Variants in DLG2 observed in about 807,000 individuals in gnomAD.
DLG2 encodes the protein discs large MAGUK scaffold protein 2.
A neutral mutation model predicts 132.5 loss-of-function variants in DLG2; 45 were observed. That is an observed-to-expected ratio of 0.34 (90% CI 0.27 to 0.44). The LOEUF (loss-of-function observed/expected upper bound fraction) is 0.44, where lower values mean the gene tolerates loss of function less well. DLG2 is among the 20% of genes least tolerant of loss of function. The pLI, the probability that DLG2 is intolerant of heterozygous loss-of-function variation, is 1.00. For synonymous variants in DLG2, 424 were observed against 419.6 expected, an observed-to-expected ratio of 1.01 and a Z score of -0.13; for missense variants, 1,045 against 1,196.9, an observed-to-expected ratio of 0.87 and a Z score of 1.87.
chr11:83,953,877 G>C (rs992063807), intron 14 of DLG2, among the ~76,000 whole-genome samples: 2 of 152,070 alleles, frequency 1.3e-5, no homozygotes, highest in Admixed American at 6.5e-5. Flanking sequence ...CTTCTACAGC[G>C]GTCCCTCCAA....
At chr11:85,192,319 C>T (rs191281133) in intron 4 of DLG2, among the ~76,000 whole-genome samples, 56 of 152,320 alleles carry the variant, frequency 3.7e-4, no homozygotes, top group African/African-American at 1.3e-3. Context: ...ATTATCATTA[C>T]AATCTTGTAT....
intron 11 of DLG2, among the ~76,000 whole-genome samples, chr11:84,028,997 A>T (rs546791514): frequency 7.2e-5 from 11 of 152,274 alleles, no homozygotes; most frequent in African/African-American, 2.2e-4. Context: ...GATTAAATGA[A>T]TGAATGAACA....
intron 6 of DLG2, among the ~76,000 whole-genome samples, chr11:84,616,122 T>A (rs2099604026): frequency 6.6e-6 from 1 of 152,012 alleles, no homozygotes; most frequent in Non-Finnish European, 1.5e-5. Context: ...AGAAGGCTAA[T>A]CTAAGAAGGT....
chr11:85,596,511 G>A (rs1236043887), intron 3 of DLG2, among the ~76,000 whole-genome samples: 1 of 152,166 alleles, frequency 6.6e-6, no homozygotes, highest in East Asian at 1.9e-4. Flanking sequence ...TTATCCATTT[G>A]TGTTTTCTAC....
intron 4 of DLG2, among the ~76,000 whole-genome samples, chr11:85,258,841 G>A (rs1032102579): frequency 1.3e-5 from 2 of 152,190 alleles, no homozygotes; most frequent in African/African-American, 4.8e-5. Context: ...CTGGATATTG[G>A]AGATGGAACT....
At chr11:84,731,776 G>T (rs117941605) in intron 6 of DLG2, among the ~76,000 whole-genome samples, 1 of 151,966 alleles carries the variant, frequency 6.6e-6, no homozygotes, top group Non-Finnish European at 1.5e-5. Flanking sequence ...ATTTATTGGC[G>T]TAGAACTGAC....
At chr11:83,779,056 T>C (rs897148138) in intron 18 of DLG2, among the ~76,000 whole-genome samples, 15 of 152,142 alleles carry the variant, frequency 9.9e-5, no homozygotes, top group African/African-American at 2.9e-4. Context: ...TAAAGTTTTA[T>C]TTAAGTTTCT....
intron 4 of DLG2, among the ~76,000 whole-genome samples, chr11:85,235,567 G>T (rs2075541319): frequency 6.6e-6 from 1 of 151,904 alleles, no homozygotes; most frequent in South Asian, 2.1e-4. Flanking sequence ...TTTAACAAGG[G>T]AGTTGGGGGA....
At chr11:84,820,404 G>C (rs1474450799) in intron 6 of DLG2, among the ~76,000 whole-genome samples, 1 of 151,810 alleles carries the variant, frequency 6.6e-6, no homozygotes, top group Non-Finnish European at 1.5e-5. Context: ...TGCTGCTGGA[G>C]TGCTTTTGAA....
intron 7 of DLG2, among the ~76,000 whole-genome samples, chr11:84,305,321 T>C (rs955728184): frequency 2.6e-5 from 4 of 152,196 alleles, no homozygotes; most frequent in Admixed American, 6.5e-5. Flanking sequence ...AAAGACCAGA[T>C]ACCATATTTT....
intron 14 of DLG2, among the ~76,000 whole-genome samples, chr11:83,957,646 C>T (rs981466367): frequency 9.9e-5 from 15 of 151,644 alleles, no homozygotes; most frequent in African/African-American, 3.6e-4. Context: ...ATTAGACCTA[C>T]ACTTTCTCAT....
chr11:84,898,624 T>A (rs970540830), intron 6 of DLG2, among the ~76,000 whole-genome samples: 1 of 151,994 alleles, frequency 6.6e-6, no homozygotes, highest in African/African-American at 2.4e-5. Flanking sequence ...CAATTTCTTA[T>A]CCTTTCCTAG....
At chr11:85,028,402 C>G (rs907201037) in intron 6 of DLG2, among the ~76,000 whole-genome samples, 5 of 152,162 alleles carry the variant, frequency 3.3e-5, no homozygotes, top group African/African-American at 1.2e-4. Flanking sequence ...CCGTTCTTGG[C>G]TTGAAGGTGA....
intron 6 of DLG2, among the ~76,000 whole-genome samples, chr11:85,025,317 T>C (rs965435851): frequency 6.6e-6 from 1 of 152,206 alleles, no homozygotes; most frequent in Non-Finnish European, 1.5e-5. Flanking sequence ...ACTGTTGACA[T>C]CTGGCCTCAG....
At chr11:84,046,887 G>A (rs1161991655) in intron 11 of DLG2, among the ~76,000 whole-genome samples, 1 of 151,584 alleles carries the variant, frequency 6.6e-6, no homozygotes, top group Non-Finnish European at 1.5e-5. Context: ...ATTGAGTTAT[G>A]TTCAGAGACA....
chr11:84,280,042 C>T (rs531939562), intron 7 of DLG2, among the ~76,000 whole-genome samples: 2 of 152,100 alleles, frequency 1.3e-5, no homozygotes, highest in African/African-American at 4.8e-5. Context: ...TGTAACAAGG[C>T]AAGTAAAATA....
chr11:84,253,762 T>C (rs1170439995), intron 7 of DLG2, among the ~76,000 whole-genome samples: 1 of 152,214 alleles, frequency 6.6e-6, no homozygotes, highest in Non-Finnish European at 1.5e-5. Flanking sequence ...ATGTTATATA[T>C]GAGGAAAATG....
At chr11:84,694,039 A>G (rs990688906) in intron 6 of DLG2, among the ~76,000 whole-genome samples, 5 of 151,662 alleles carry the variant, frequency 3.3e-5, no homozygotes, top group Non-Finnish European at 7.4e-5. Flanking sequence ...CAGGCCTACT[A>G]AGAGAACACA....
intron 4 of DLG2, among the ~76,000 whole-genome samples, chr11:85,223,430 T>A (rs1439097604): frequency 6.6e-6 from 1 of 151,918 alleles, no homozygotes; most frequent in Non-Finnish European, 1.5e-5. Flanking sequence ...AGTCCAGGAG[T>A]TCCAGACAAG....
Sources: gnomAD v4.1 joint callset for allele counts (sites outside exome capture counted in the v4.1 genomes callset) on GRCh38, gnomAD v4.1.1 for gene constraint, MANE v1.5 for transcripts, NCBI Gene and HGNC (gene_info 2026-07-23, HGNC 2026-07-21) for gene names.